Variants in SYNE3 observed in about 807,000 individuals in gnomAD.
SYNE3 encodes the protein spectrin repeat containing nuclear envelope family member 3, also known as nesprin-3.
SYNE3 carries 100 observed loss-of-function variants against 111.2 expected under a neutral mutation model. The ratio of observed to expected loss-of-function variants is 0.90; its 90% CI spans 0.77 to 1.06. The LOEUF is 1.06. Among genes scored for constraint, SYNE3 ranks in the 50% least tolerant of loss-of-function variants. SYNE3 has a pLI of 0.00. For synonymous variants in SYNE3, 547 were observed against 533.9 expected, an observed-to-expected ratio of 1.02 and a Z score of -0.34; for missense variants, 1,160 against 1,240.3, an observed-to-expected ratio of 0.94 and a Z score of 0.97.
chr14:95,507,868 A>G (rs1890585670), intron 1 of SYNE3, among the ~76,000 whole-genome samples: 1 of 152,224 alleles, frequency 6.6e-6, no homozygotes, highest in African/African-American at 2.4e-5. Context: ...GGATGTGGTC[A>G]GAGAAGACAG....
At chr14:95,513,356 AC>A (rs2139622074) in intron 1 of SYNE3, among the ~76,000 whole-genome samples, 1 of 152,138 alleles carries the variant, frequency 6.6e-6, no homozygotes, top group East Asian at 1.9e-4. Flanking sequence ...GATTCTCTAT[AC>A]CACGTCTGCA....
chr14:95,505,886 G>T (rs186115657), intron 1 of SYNE3, among the ~76,000 whole-genome samples: 16 of 152,238 alleles, frequency 1.1e-4, no homozygotes, highest in Admixed American at 6.5e-4. Flanking sequence ...TCACTGAGAT[G>T]TTCACCTAGA....
chr14:95,477,081 A>G (rs1888927920), intron 1 of SYNE3, among the ~76,000 whole-genome samples: 1 of 152,276 alleles, frequency 6.6e-6, no homozygotes, highest in African/African-American at 2.4e-5. Flanking sequence ...AAAACAAAAC[A>G]TTAACAAAAA....
chr14:95,468,258 C>T (rs1453880916), intron 2 of SYNE3, among the ~76,000 whole-genome samples: 1 of 152,248 alleles, frequency 6.6e-6, no homozygotes, highest in Non-Finnish European at 1.5e-5. Flanking sequence ...GTTTCATTCT[C>T]TCCTTGGACT....
rs117657380 is a variant in SYNE3, at chr14:95,467,199, G to A, written c.317+596C>T. On this transcript the variant is annotated intron_variant, in intron 3 of 17. Transcript: ENST00000682763. The stretch of plus-strand genomic sequence containing the variant: ...GCTTTATAAAAATGGAGATGATCCT[G>A]GCAGCTCTTGTTTACTGAGGGCCTA... Among the ~76,000 whole-genome samples the A allele has an allele frequency of 3.9e-3, 599 of 152,316 alleles. 5 individuals carry two copies. The highest frequency in any genetic ancestry group is 3.5e-3 in the Non-Finnish European group (236 of 68,024).
chr14:95,498,652 T>C (rs1184426839), intron 1 of SYNE3, among the ~76,000 whole-genome samples: 11 of 152,216 alleles, frequency 7.2e-5, no homozygotes, highest in Non-Finnish European at 1.2e-4. Context: ...GCATCTGTCT[T>C]CTCCATCTAC....
At chr14:95,443,031 G>T in intron 11 of SYNE3, 124 bp downstream of exon 11, 2 of 1,239,594 alleles carry the variant, frequency 1.6e-6, no homozygotes, top group East Asian at 2.4e-5. Flanking sequence ...GAAGAAAACA[G>T]GGAGAAAGAA....
At chr14:95,498,182 T>C (rs1403605987) in intron 1 of SYNE3, among the ~76,000 whole-genome samples, 1 of 126,240 alleles carries the variant, frequency 7.9e-6, no homozygotes, top group Admixed American at 7.4e-5. Context: ...TAAAAGATTT[T>C]TGTTTGTTTG....
At chr14:95,481,447 C>G (rs79786420) in intron 1 of SYNE3, among the ~76,000 whole-genome samples, 3,433 of 152,198 alleles carry the variant, frequency 0.023, 118 homozygotes, top group African/African-American at 0.078. Context: ...TCAACCCCTA[C>G]GCTAGAGAGA....
At chr14:95,490,326 A>G (rs1889787780) in intron 1 of SYNE3, among the ~76,000 whole-genome samples, 1 of 152,222 alleles carries the variant, frequency 6.6e-6, no homozygotes, top group Non-Finnish European at 1.5e-5. Flanking sequence ...TCTGGAGTAA[A>G]TGCTATATTG....
At chr14:95,469,895 T>TGAC (rs1385587318) in intron 2 of SYNE3, among the ~76,000 whole-genome samples, 1 of 152,140 alleles carries the variant, frequency 6.6e-6, no homozygotes, top group Non-Finnish European at 1.5e-5. Flanking sequence ...ACGATGATGA[T>TGAC]GACGATGATG....
rs537330736 is a variant in SYNE3, at chr14:95,415,979, G to C, written c.*1847C>G. The stretch of plus-strand genomic sequence containing the variant: ...CACTGCACTCCAGCCTGGGCAAAAA[G>C]AGCGAAACTCCATCTCAAAATAATT... On this transcript the variant is annotated 3_prime_UTR_variant, in exon 18 of 18. Transcript: ENST00000682763. The C allele has an allele frequency of 6.6e-6, 1 of 152,270 alleles. No individual in the cohort carries two copies. The highest frequency in any genetic ancestry group is 6.5e-5 in the Admixed American group (1 of 15,294). 9.4% of individuals were successfully genotyped at this position (152,270 alleles called of 1,614,324 possible).
Position 95,503,610 on chromosome 14 carries a change from CTTTT to C in SYNE3, c.-15+12982_-15+12985del, listed in dbSNP as rs386382233. ...AGATTGAGACTTGTTTCAGAACTAC[CTTTT>C]TTTTTTTTTTTTTTTTTTTTTTTGA... On this transcript the variant is annotated intron_variant, in intron 1 of 17. Coordinates refer to ENST00000682763, the MANE Select transcript of SYNE3 (RefSeq NM_152592.6). 1.8e-3 allele frequency among the ~76,000 whole-genome samples: 164 copies of C among 91,852 alleles called. 1 individual carries two copies. Among genetic ancestry groups the C allele is most frequent in the African/African-American group, 4.3e-3 (96 of 22,110 alleles). 60.3% of individuals were successfully genotyped at this position (91,852 alleles called of 152,430 possible). A position where few individuals can be genotyped will look rare whatever the true frequency, so the allele number is the denominator to read the frequency against.
chr14:95,444,462 T>C, intron 10 of SYNE3, 23 bp downstream of exon 10: 2 of 1,591,258 alleles, frequency 1.3e-6, no homozygotes, highest in Non-Finnish European at 8.6e-7. Context: ...GCAGGAGTGA[T>C]TCAGGCCTCA....
intron 1 of SYNE3, among the ~76,000 whole-genome samples, chr14:95,490,199 G>C (rs1889779931): frequency 6.6e-6 from 1 of 152,226 alleles, no homozygotes; most frequent in African/African-American, 2.4e-5. Flanking sequence ...CTATCCCAAT[G>C]TAAAGGACTA....
intron 17 of SYNE3, among the ~76,000 whole-genome samples, chr14:95,422,367 T>C (rs947932242): frequency 3.3e-5 from 5 of 152,220 alleles, no homozygotes; most frequent in African/African-American, 7.2e-5. Context: ...CCTATGCTCA[T>C]TTTACAGAGG....
At chr14:95,460,615 G>C (rs1375555539) in intron 4 of SYNE3, among the ~76,000 whole-genome samples, 3 of 107,652 alleles carry the variant, frequency 2.8e-5, no homozygotes, top group African/African-American at 1.3e-4. Flanking sequence ...GCTTGAATCT[G>C]AAAGTGGAGC....
At chr14:95,448,094 A>G (rs1181410892) in intron 8 of SYNE3, among the ~76,000 whole-genome samples, 2 of 152,270 alleles carry the variant, frequency 1.3e-5, no homozygotes, top group Non-Finnish European at 2.9e-5. Context: ...AAATGTGTGG[A>G]GTGAGAATAT....
rs1005146716 is a variant in SYNE3 at position 95,493,326 on chromosome 14, G to T, written c.-14-17491C>A. On this transcript the variant is annotated intron_variant, in intron 1 of 17. Transcript: ENST00000682763. ...ACTTGCTTTTTAAGACAACTTTAAT[G>T]GTTGGTATAATCATCCCCGTATCAG... Among the ~76,000 whole-genome samples, 6 of 152,292 alleles carry T rather than the reference G, an allele frequency of 3.9e-5. 1 individual carries two copies. The highest frequency in any genetic ancestry group is 3.9e-4 in the East Asian group (2 of 5,190).
Sources: gnomAD v4.1 joint callset for allele counts (sites outside exome capture counted in the v4.1 genomes callset) on GRCh38, gnomAD v4.1.1 for gene constraint, MANE v1.5 for transcripts, NCBI Gene and HGNC (gene_info 2026-07-23, HGNC 2026-07-21) for gene names.